Variants in SLC18B1 observed in about 807,000 individuals in gnomAD.
SLC18B1 encodes MFS-type transporter SLC18B1.
Under a neutral mutation model 53.9 loss-of-function variants are expected in SLC18B1, and 62 were observed. That is an observed-to-expected ratio of 1.15 (90% CI 0.94 to 1.42). The LOEUF (loss-of-function observed/expected upper bound fraction) is 1.42, where lower values mean the gene tolerates loss of function less well. SLC18B1 is among the 40% of genes most tolerant of loss of function. The pLI is 0.00. For synonymous variants in SLC18B1, 217 were observed against 200.9 expected (o/e 1.08, Z -0.68); for missense variants, 598 against 547.3 (o/e 1.09, Z -0.93).
Position 132,797,015 on chromosome 6 carries a change from G to A in SLC18B1, c.150C>T (p.Cys50=), listed in dbSNP as rs1781709849. ...AASVNLGSMM[C]YSILGPFFPK... is the part of the protein sequence containing the mutation. Reference sequence around the variant, plus strand: ...GGAAAAACGGTCCAAGTATAGAATAGCACATCATGGAACCTAAGTTCACCG... The same window carrying A: ...GGAAAAACGGTCCAAGTATAGAATAACACATCATGGAACCTAAGTTCACCG... Residue 50 remains cysteine (C), a synonymous_variant, in exon 2 of 14, where the codon TGC becomes TGT. Coordinates refer to ENST00000275227, the MANE Select transcript of SLC18B1 (RefSeq NM_052831.3). 1 of 1,614,122 alleles carries A rather than the reference G, an allele frequency of 6.2e-7. No homozygotes were observed. Among genetic ancestry groups the A allele is most frequent in the Non-Finnish European group, 8.5e-7 (1 of 1,180,004 alleles).
rs188047201 is a variant in SLC18B1 at position 132,770,259 on chromosome 6, G to A, written c.*11C>T. ...ATTTCTCAACCTTGTATCAATCCAG[G>A]ATCCATCGGACTAGGTTTCATTAGG... On this transcript the variant is annotated 3_prime_UTR_variant, in exon 14 of 14. Coordinates refer to ENST00000275227, the MANE Select transcript of SLC18B1 (RefSeq NM_052831.3). 39 of 1,607,136 alleles carry A rather than the reference G, an allele frequency of 2.4e-5. No individual in the cohort carries two copies. The Admixed American group carries it at 5.8e-4, about 24-fold the overall frequency.
intron 8 of SLC18B1, among the ~76,000 whole-genome samples, chr6:132,774,626 C>T (rs1033337110): frequency 4.6e-5 from 7 of 151,998 alleles, no homozygotes; most frequent in Admixed American, 1.3e-4. Flanking sequence ...AAGCAGTAAC[C>T]GGCCAGGCAC....
intron 9 of SLC18B1, among the ~76,000 whole-genome samples, chr6:132,773,568 TTGTAA>T (rs1384676829): frequency 1.3e-5 from 2 of 152,356 alleles, no homozygotes; most frequent in Admixed American, 6.5e-5. Flanking sequence ...GATTTAATCC[TTGTAA>T]TGTAAGTACT....
Position 132,779,139 on chromosome 6 carries a change from C to T in SLC18B1, c.795+129G>A, listed in dbSNP as rs75011399. On this transcript the variant is annotated intron_variant, in intron 7 of 13. Coordinates refer to ENST00000275227, the MANE Select transcript of SLC18B1 (RefSeq NM_052831.3). ...GACGGTAGAGAGGGACACGCTACCTCGGTGTGTAGTGCCCATTCTACCTTC... is the reference window on the plus strand; with the variant it reads ...GACGGTAGAGAGGGACACGCTACCTTGGTGTGTAGTGCCCATTCTACCTTC... The T allele has an allele frequency of 1.7e-3, 1,675 of 982,794 alleles. 13 individuals are homozygous for T. Among genetic ancestry groups the T allele is most frequent in the Middle Eastern group, 0.013 (43 of 3,292 alleles). 60.9% of individuals were successfully genotyped at this position (982,794 alleles called of 1,614,324 possible).
chr6:132,780,214 T>C (rs11965927), intron 6 of SLC18B1, among the ~76,000 whole-genome samples: 26,055 of 151,978 alleles, frequency 0.17, 4,920 homozygotes, highest in African/African-American at 0.47. Flanking sequence ...GATACTCCTG[T>C]CTCAGCTTCC....
At chr6:132,782,436 T>C (rs1781262445) in intron 6 of SLC18B1, among the ~76,000 whole-genome samples, 1 of 152,170 alleles carries the variant, frequency 6.6e-6, no homozygotes, top group South Asian at 2.1e-4. Context: ...TATTGGCAAT[T>C]TTCAAGTGTC....
At chr6:132,776,782 TA>T (rs1176064008) in intron 7 of SLC18B1, among the ~76,000 whole-genome samples, 11 of 152,208 alleles carry the variant, frequency 7.2e-5, no homozygotes, top group African/African-American at 2.7e-4. Flanking sequence ...ATTCCAACCA[TA>T]GGGTTTCTGA....
intron 2 of SLC18B1, among the ~76,000 whole-genome samples, chr6:132,792,285 AAGAAAGGAAGG>A (rs1562271443): frequency 2.7e-4 from 15 of 56,238 alleles, no homozygotes; most frequent in South Asian, 1.9e-3. Flanking sequence ...GAAAGAAAGG[AAGAAAGGAAGG>A]AAGGAAGGAA....
intron 2 of SLC18B1, among the ~76,000 whole-genome samples, chr6:132,792,245 A>AAGAAAGAAAGAGAGAGAGAGAGAGAG (rs1290388130): frequency 1.3e-4 from 2 of 14,914 alleles, no homozygotes; most frequent in Admixed American, 5.7e-4. Context: ...GAAAGAAAGA[A>AAGAAAGAAAGAGAGAGAGAGAGAGAG]AGAAAGAAAG....
chr6:132,772,844 A>G (rs1781010046), intron 10 of SLC18B1, 149 bp downstream of exon 10: 1 of 590,344 alleles, frequency 1.7e-6, no homozygotes, highest in Non-Finnish European at 3.0e-6. Context: ...ATTACTATTT[A>G]TATCATAATA....
chr6:132,775,497 T>A (rs1781076123), intron 8 of SLC18B1, among the ~76,000 whole-genome samples: 1 of 152,070 alleles, frequency 6.6e-6, no homozygotes, highest in Non-Finnish European at 1.5e-5. Context: ...CTTTTTGACA[T>A]CTGGGTTACT....
Position 132,783,964 on chromosome 6 carries a change from T to C in SLC18B1, c.627A>G (p.Val209=). 1 of 1,605,598 alleles carries C rather than the reference T, an allele frequency of 6.2e-7. No individual in the cohort carries two copies. The highest frequency in any genetic ancestry group is 8.5e-7 in the Non-Finnish European group (1 of 1,176,776). Residue 209 remains valine (V), a synonymous_variant, in exon 6 of 14, where the codon GTA becomes GTG. Coordinates refer to ENST00000275227, the MANE Select transcript of SLC18B1 (RefSeq NM_052831.3). The part of the protein sequence containing the change: ...IVLGCVVLLM[V]PLNMYILPNY... The stretch of plus-strand genomic sequence containing the variant: ...TGGGTAAAATATACATATTGAGTGG[T>C]ACCATCAGCAAAACGACGCATCCCA...
chr6:132,772,342 G>A, intron 10 of SLC18B1, 136 bp from the exon 11 acceptor site: 1 of 486,902 alleles, frequency 2.1e-6, no homozygotes, highest in Non-Finnish European at 3.6e-6. Flanking sequence ...CTGCTTCTAA[G>A]ATAAAAAGCA....
At chr6:132,792,382 GAGAA>G (rs1470050866) in intron 2 of SLC18B1, among the ~76,000 whole-genome samples, 1 of 147,286 alleles carries the variant, frequency 6.8e-6, no homozygotes, top group Non-Finnish European at 1.5e-5. Flanking sequence ...AGGAAAGAAA[GAGAA>G]AGAAGGAAAG....
intron 5 of SLC18B1, among the ~76,000 whole-genome samples, chr6:132,786,839 G>C (rs1781391443): frequency 1.3e-5 from 2 of 152,078 alleles, no homozygotes; most frequent in South Asian, 4.1e-4. Context: ...ATGAGAATCT[G>C]ATATGTCACT....
rs1162106584 is a variant in SLC18B1, at chr6:132,779,317, G to A, written c.746C>T (p.Ser249Leu). ...AGTAGGATCGAGGAAGCCAAAACAC[G>A]AGCTGAGTGAGTTGATGACGAAGGC... ...LIAFVINSLS[S>L]CFGFLDPTLS... is the part of the protein sequence containing the mutation. The change falls in exon 7 of 14, where the codon TCG becomes TTG. Residue 249 changes from serine to leucine, a missense_variant. Transcript: ENST00000275227. 12 of 1,613,854 alleles carry A rather than the reference G, an allele frequency of 7.4e-6. No homozygotes were observed. The East Asian group carries it at 8.9e-5, about 12-fold the overall frequency.
At chr6:132,796,931 A>AAAAC in intron 2 of SLC18B1, 51 bp downstream of exon 2, 2 of 1,553,836 alleles carry the variant, frequency 1.3e-6, no homozygotes, top group African/African-American at 2.8e-5. Flanking sequence ...AGGCTTTTAA[A>AAAAC]AAACAAACAA....
chr6:132,775,906 G>A (rs902598636), intron 8 of SLC18B1, among the ~76,000 whole-genome samples: 4 of 152,088 alleles, frequency 2.6e-5, no homozygotes, highest in Non-Finnish European at 4.4e-5. Context: ...TTTTTCATAA[G>A]AGAGTTTAAT....
Position 132,789,801 on chromosome 6 carries a change from C to T in SLC18B1, c.316G>A (p.Gly106Arg). ...GTAACTCCTCCTGAGACAAACATTC[C>T]TGCTACAAACATAAATTTTGCTCCA... is the stretch of plus-strand genomic sequence containing the variant. ...HIGAKFMFVA[G>R]MFVSGGVTIL... Residue 106 changes from glycine to arginine, a missense_variant, in exon 4 of 14, where the codon GGA becomes AGA. Transcript: ENST00000275227. 1 of 1,613,494 alleles carries T rather than the reference C, an allele frequency of 6.2e-7. No individual in the cohort carries two copies. Among genetic ancestry groups the T allele is most frequent in the Non-Finnish European group, 8.5e-7 (1 of 1,179,544 alleles).
Sources: allele counts gnomAD v4.1 joint callset (sites outside exome capture counted in the v4.1 genomes callset), GRCh38; gene constraint gnomAD v4.1.1; transcripts MANE v1.5; gene names NCBI Gene and HGNC (gene_info 2026-07-23, HGNC 2026-07-21).